PCCA: variants seen among roughly 807,000 people sequenced by gnomAD.
PCCA encodes propionyl-CoA carboxylase subunit alpha, also known as propionyl-CoA carboxylase alpha chain, mitochondrial.
Under a neutral mutation model 101.3 loss-of-function variants are expected in PCCA, and 74 were observed. The ratio of observed to expected loss-of-function variants is 0.73; its 90% CI spans 0.61 to 0.89. PCCA has a LOEUF of 0.89. Among genes scored for constraint, PCCA ranks in the 40% least tolerant of loss-of-function variants. PCCA has a pLI of 0.00. For synonymous variants in PCCA, 294 were observed against 313.6 expected (o/e 0.94, Z 0.66); for missense variants, 891 against 907.0 (o/e 0.98, Z 0.23).
chr13:100,510,633 CAAT>C (rs1229713955), intron 21 of PCCA, among the ~76,000 whole-genome samples: 1 of 152,234 alleles, frequency 6.6e-6, no homozygotes, highest in Admixed American at 6.5e-5. Context: ...ATGGAAATCT[CAAT>C]AATATTGCTG....
intron 21 of PCCA, among the ~76,000 whole-genome samples, chr13:100,511,596 T>C (rs2086482646): frequency 6.6e-6 from 1 of 152,230 alleles, no homozygotes; most frequent in Non-Finnish European, 1.5e-5. Flanking sequence ...GAAAGAACAT[T>C]AACAGTCAGT....
chr13:100,333,717 C>T (rs1363256213), intron 17 of PCCA, among the ~76,000 whole-genome samples: 1 of 152,154 alleles, frequency 6.6e-6, no homozygotes, highest in African/African-American at 2.4e-5. Context: ...ACTTCAACCC[C>T]AAGCCCCATC....
chr13:100,379,416 A>C (rs1041220622), intron 19 of PCCA, among the ~76,000 whole-genome samples: 58 of 152,216 alleles, frequency 3.8e-4, no homozygotes, highest in African/African-American at 1.4e-3. Flanking sequence ...TTAACAAAAG[A>C]AGTATAAAAC....
chr13:100,525,762 G>A (rs544312513), intron 22 of PCCA, among the ~76,000 whole-genome samples: 10 of 152,182 alleles, frequency 6.6e-5, no homozygotes, highest in Admixed American at 4.6e-4. Context: ...TGTACTTGGC[G>A]GGGGGACGGG....
chr13:100,348,768 CTTTCTTT>C (rs1566976132), intron 18 of PCCA, among the ~76,000 whole-genome samples: 41 of 94,668 alleles, frequency 4.3e-4, no homozygotes, highest in African/African-American at 9.5e-4. Context: ...TTCTTTCTTT[CTTTCTTT>C]CTTTCTTTCT....
intron 12 of PCCA, among the ~76,000 whole-genome samples, chr13:100,290,638 ATTGC>A (rs1728219590): frequency 6.6e-6 from 1 of 152,066 alleles, no homozygotes; most frequent in Non-Finnish European, 1.5e-5. Context: ...AGGTTTAAGT[ATTGC>A]TTCATTTCAG....
At chr13:100,418,690 C>T (rs1421025741) in intron 19 of PCCA, among the ~76,000 whole-genome samples, 1 of 151,720 alleles carries the variant, frequency 6.6e-6, no homozygotes, top group Non-Finnish European at 1.5e-5. Flanking sequence ...AAATATTAGC[C>T]GGGCATGGTG....
At position 100,368,533 on chromosome 13, in the gene PCCA, G is replaced by A. The variant is rs779935866; in HGVS notation, c.1705G>A (p.Val569Ile). 3.4e-5 allele frequency: 54 copies of A among 1,610,884 alleles called. No individual in the cohort carries two copies. The Middle Eastern group carries it at 5.0e-4, about 15-fold the overall frequency. ...WELSVKLHDK[V>I]HTVVASNNGS... Reference sequence around the variant, plus strand: ...GCTCTCAGTAAAATTGCATGATAAAGTTCATACCGTAGTAGCATCAAACAA... The same window carrying A: ...GCTCTCAGTAAAATTGCATGATAAAATTCATACCGTAGTAGCATCAAACAA... The change falls in exon 19 of 24, where the codon GTT becomes ATT. Residue 569 changes from valine to isoleucine, a missense_variant. Coordinates refer to ENST00000376285, the MANE Select transcript of PCCA (RefSeq NM_000282.4).
intron 17 of PCCA, among the ~76,000 whole-genome samples, chr13:100,338,021 A>G (rs542813544): frequency 6.1e-4 from 92 of 151,594 alleles, no homozygotes; most frequent in African/African-American, 2.1e-3. Context: ...AGTTTGATAA[A>G]TATCAGTCCA....
At chr13:100,352,305 T>C (rs560333049) in intron 18 of PCCA, among the ~76,000 whole-genome samples, 3 of 151,926 alleles carry the variant, frequency 2.0e-5, no homozygotes, top group African/African-American at 7.2e-5. Flanking sequence ...AGGTCAATTG[T>C]AAAAGGATGG....
At chr13:100,098,053 T>C (rs1237011373) in intron 1 of PCCA, among the ~76,000 whole-genome samples, 2 of 151,122 alleles carry the variant, frequency 1.3e-5, no homozygotes, top group African/African-American at 4.9e-5. Flanking sequence ...AAGCTAGGTG[T>C]GGTGGCAGGG....
Position 100,492,355 on chromosome 13 carries a change from C to T in PCCA, c.1900-23072C>T, listed in dbSNP as rs1270877439. Among the ~76,000 whole-genome samples the T allele has an allele frequency of 5.3e-5, 8 of 152,166 alleles. No individual in the cohort carries two copies. The East Asian group carries it at 9.7e-4, about 19-fold the overall frequency. ...TTCACTGTGTTAGCCAGGATGGTTT[C>T]GATCTCCTGACCTTGTGATCCACCT... On this transcript the variant is annotated intron_variant, in intron 21 of 23. Transcript: ENST00000376285.
chr13:100,529,866 G>A (rs537544473), intron 23 of PCCA, among the ~76,000 whole-genome samples: 718 of 152,272 alleles, frequency 4.7e-3, no homozygotes, highest in Non-Finnish European at 8.6e-3. Context: ...TGAGGGTGCC[G>A]AGGACAGAGG....
At chr13:100,184,578 T>G (rs1263807167) in intron 6 of PCCA, among the ~76,000 whole-genome samples, 1 of 152,144 alleles carries the variant, frequency 6.6e-6, no homozygotes, top group Non-Finnish European at 1.5e-5. Context: ...AGATAATAAG[T>G]GTTTTAGGCT....
At chr13:100,131,798 A>G (rs1215100494) in intron 4 of PCCA, among the ~76,000 whole-genome samples, 1 of 152,232 alleles carries the variant, frequency 6.6e-6, no homozygotes, top group South Asian at 2.1e-4. Context: ...CTTTTGAACT[A>G]GGCAGTTGTG....
intron 2 of PCCA, among the ~76,000 whole-genome samples, chr13:100,104,946 T>A (rs2047618157): frequency 6.6e-6 from 1 of 152,068 alleles, no homozygotes; most frequent in Admixed American, 6.6e-5. Flanking sequence ...TCAAATGTCT[T>A]CCTGCCTCAG....
intron 7 of PCCA, among the ~76,000 whole-genome samples, chr13:100,232,378 GTGT>G (rs1292250343): frequency 6.6e-6 from 1 of 150,872 alleles, no homozygotes; most frequent in African/African-American, 2.4e-5. Context: ...GTGTGTGTGT[GTGT>G]GTGTGTGTGT....
chr13:100,100,353 T>C (rs2047162148), intron 1 of PCCA, among the ~76,000 whole-genome samples: 1 of 152,230 alleles, frequency 6.6e-6, no homozygotes, highest in Admixed American at 6.5e-5. Context: ...GGAGTCATTT[T>C]GCACACGCTG....
chr13:100,527,820 G>A, intron 23 of PCCA, 68 bp downstream of exon 23: 2 of 1,199,990 alleles, frequency 1.7e-6, no homozygotes, highest in South Asian at 2.4e-5. Flanking sequence ...TTTGAATCGT[G>A]GGTGGTTTGG....
Sources: allele counts gnomAD v4.1 joint callset (sites outside exome capture counted in the v4.1 genomes callset), GRCh38; gene constraint gnomAD v4.1.1; transcripts MANE v1.5; gene names NCBI Gene and HGNC (gene_info 2026-07-23, HGNC 2026-07-21).